The following SSH2 variants were observed in gnomAD, a reference collection of about 807,000 sequenced individuals.
The protein encoded by SSH2 is slingshot protein phosphatase 2, also known as protein phosphatase Slingshot homolog 2.
In SSH2, 37 loss-of-function variants were observed where a neutral mutation model predicts 135.2. That is an observed-to-expected ratio of 0.27 (90% CI 0.21 to 0.36). The LOEUF is 0.36. Ranked by LOEUF, SSH2 falls within the 10% of genes least tolerant of loss-of-function variation. SSH2 has a pLI of 1.00. For synonymous variants in SSH2, 628 were observed against 646.2 expected (o/e 0.97, Z 0.43); for missense variants, 1,408 against 1,765.3 (o/e 0.80, Z 3.63).
intron 14 of SSH2, 157 bp downstream of exon 14, chr17:29,647,987 A>T: frequency 1.4e-6 from 1 of 736,640 alleles, no homozygotes; most frequent in Non-Finnish European, 2.2e-6. Context: ...TTAAATGCTT[A>T]CACTTATGTT....
chr17:29,636,277 G>GT lies in SSH2; in HGVS notation c.1952_1953insA (p.Met652HisfsTer4). The GT allele has an allele frequency of 6.2e-7, 1 of 1,613,986 alleles. No individual in the cohort carries two copies. Among genetic ancestry groups the GT allele is most frequent in the South Asian group, 1.1e-5 (1 of 91,084 alleles). ...TTGGTGACTCAGGATCAGGGGACAT[G>GT]GGGGGGTCTTTCAGTGGAGATGTCA... On this transcript the variant is annotated frameshift_variant, in exon 15 of 16. Transcript: ENST00000540801. LOFTEE classifies it high-confidence loss of function.
At chr17:29,724,452 C>T (rs1369562083) in intron 3 of SSH2, among the ~76,000 whole-genome samples, 3 of 131,654 alleles carry the variant, frequency 2.3e-5, no homozygotes, top group African/African-American at 5.8e-5. Flanking sequence ...CACTTGAACC[C>T]GGGAGGCGGA....
In SSH2 at chr17:29,873,549, A is replaced by T. The variant is rs530321331; in HGVS notation, c.64-24620T>A. ...ACTCCAGCTTGGGAGACAGAGCCAG[A>T]CTATGTTTAAAAAAAAAAAAAATTC... On this transcript the variant is annotated intron_variant, in intron 1 of 15. Transcript: ENST00000540801. Among the ~76,000 whole-genome samples, 860 of 152,130 alleles carry T rather than the reference A, an allele frequency of 5.7e-3. 4 individuals are homozygous for T. Among genetic ancestry groups the T allele is most frequent in the Middle Eastern group, 0.014 (4 of 294 alleles).
Position 29,794,396 on chromosome 17 carries a change from A to G in SSH2, c.145-459T>C, listed in dbSNP as rs368847681. 2.8e-4 allele frequency among the ~76,000 whole-genome samples: 43 copies of G among 152,304 alleles called. No individual in the cohort carries two copies. The East Asian group carries it at 7.5e-3, about 27-fold the overall frequency. ...ATCAAATCACCATCAACATCAACAT[A>G]ATGGCTACCACTTGTTGAGTACTTA... On this transcript the variant is annotated intron_variant, in intron 2 of 15. Coordinates refer to ENST00000540801, the MANE Select transcript of SSH2 (RefSeq NM_001282129.2).
chr17:29,857,473 C>A (rs927388205), intron 1 of SSH2, among the ~76,000 whole-genome samples: 24 of 152,226 alleles, frequency 1.6e-4, no homozygotes, highest in Admixed American at 5.2e-4. Context: ...GGTGGGGACA[C>A]AGTCAAACCA....
chr17:29,834,578 A>AT (rs2042912828), intron 2 of SSH2, among the ~76,000 whole-genome samples: 1 of 152,040 alleles, frequency 6.6e-6, no homozygotes, highest in African/African-American at 2.4e-5. Flanking sequence ...TTTAATGTAG[A>AT]TTTTTTGACT....
rs1249985513 is a variant in SSH2, at chr17:29,636,604, A to G, written c.1626T>C (p.Asp542=). The change falls in exon 15 of 16, where the codon GAT becomes GAC. Residue 542 remains aspartate, a synonymous_variant. Coordinates refer to ENST00000540801, the MANE Select transcript of SSH2 (RefSeq NM_001282129.2). ...TGGTACACAGGCCTTTCTGATTTGCATCTTGTGGGACCATATGTTCCACAA... is the reference window on the plus strand; with the variant it reads ...TGGTACACAGGCCTTTCTGATTTGCGTCTTGTGGGACCATATGTTCCACAA... The part of the protein sequence containing the change: ...PVFVEHMVPQ[D]ANQKGLCTKE... The G allele has an allele frequency of 1.9e-6, 3 of 1,614,144 alleles. No homozygotes were observed. The Admixed American group carries it at 5.0e-5, about 27-fold the overall frequency.
At chr17:29,717,821 G>A (rs2039679209) in intron 3 of SSH2, among the ~76,000 whole-genome samples, 1 of 152,136 alleles carries the variant, frequency 6.6e-6, no homozygotes, top group Non-Finnish European at 1.5e-5. Flanking sequence ...GATCACTTGA[G>A]CCCAGGAGTT....
rs1011873236 is a variant in SSH2, at chr17:29,625,942, A to T, written c.*4899T>A. 2 of 152,644 alleles carry T rather than the reference A, an allele frequency of 1.3e-5. No homozygotes were observed. Among genetic ancestry groups the T allele is most frequent in the Non-Finnish European group, 1.5e-5 (1 of 68,048 alleles). 9.5% of individuals were successfully genotyped at this position (152,644 alleles called of 1,614,324 possible). A position where few individuals can be genotyped will look rare whatever the true frequency, so the allele number is the denominator to read the frequency against. On this transcript the variant is annotated 3_prime_UTR_variant, in exon 16 of 16. Transcript: ENST00000540801. ...TTGCATCTGATGAAGTACACGTTTCATCTTCAAAATAAAAATTTATTCAAT... is the reference window on the plus strand; with the variant it reads ...TTGCATCTGATGAAGTACACGTTTCTTCTTCAAAATAAAAATTTATTCAAT...
chr17:29,651,205 T>C (rs2036565434), intron 12 of SSH2, among the ~76,000 whole-genome samples: 1 of 152,236 alleles, frequency 6.6e-6, no homozygotes, highest in Non-Finnish European at 1.5e-5. Flanking sequence ...CTGAAAGTCA[T>C]CTGTATAAAA....
chr17:29,636,552 T>A lies in SSH2; in HGVS notation c.1678A>T (p.Thr560Ser), dbSNP rs2035923983. Reference protein sequence around the residue: ...TKERMICLEFTSREFHAGQIE... With the variant: ...TKERMICLEFSSREFHAGQIE... ...TGTCCAGCATGAAATTCCCTAGAAG[T>A]AAACTCCAAGCAGATCATTCTTTCT... The change falls in exon 15 of 16, where the codon ACT becomes TCT. Residue 560 changes from threonine (T) to serine (S), a missense_variant. Thr to Ser is a moderately conservative substitution (Grantham distance 58, BLOSUM62 1). Around this residue, in one of 3 missense-constraint regions of SSH2, gnomAD observed 1,080 missense variants for 1,144.5 expected, o/e 0.94. Coordinates refer to ENST00000540801, the MANE Select transcript of SSH2 (RefSeq NM_001282129.2). The A allele has an allele frequency of 6.2e-7, 1 of 1,614,194 alleles. No individual in the cohort carries two copies. Among genetic ancestry groups the A allele is most frequent in the Non-Finnish European group, 8.5e-7 (1 of 1,180,016 alleles).
chr17:29,922,911 T>TA (rs1358669664), intron 1 of SSH2, among the ~76,000 whole-genome samples: 6 of 152,174 alleles, frequency 3.9e-5, no homozygotes, highest in Non-Finnish European at 8.8e-5. Context: ...CAGAAGTCTT[T>TA]AAAAAAATTG....
chr17:29,679,959 G>C (rs184712851), intron 6 of SSH2, among the ~76,000 whole-genome samples: 29 of 151,914 alleles, frequency 1.9e-4, no homozygotes, highest in Non-Finnish European at 1.6e-4. Context: ...ACCTCTCTCA[G>C]CCTTAATTTC....
chr17:29,866,512 T>C (rs2065858541), intron 1 of SSH2, among the ~76,000 whole-genome samples: 1 of 152,148 alleles, frequency 6.6e-6, no homozygotes, highest in Non-Finnish European at 1.5e-5. Flanking sequence ...TAAACAAGTT[T>C]ATACAGACAG....
At chr17:29,923,730 G>A (rs2067016800) in intron 1 of SSH2, among the ~76,000 whole-genome samples, 1 of 152,066 alleles carries the variant, frequency 6.6e-6, no homozygotes, top group African/African-American at 2.4e-5. Flanking sequence ...GCCGGGTGCG[G>A]TGGCTCACAC....
intron 12 of SSH2, among the ~76,000 whole-genome samples, chr17:29,654,755 G>A (rs2036715090): frequency 6.6e-6 from 1 of 152,230 alleles, no homozygotes; most frequent in South Asian, 2.1e-4. Context: ...GCTGCTTAGG[G>A]ACAGTTTTCT....
chr17:29,825,672 T>C (rs2042730539), intron 2 of SSH2, among the ~76,000 whole-genome samples: 1 of 152,222 alleles, frequency 6.6e-6, no homozygotes, highest in Admixed American at 6.5e-5. Context: ...AGGCTTTTGT[T>C]TAATCTGTCC....
intron 2 of SSH2, among the ~76,000 whole-genome samples, chr17:29,801,295 G>C (rs554819418): frequency 6.6e-6 from 1 of 152,194 alleles, no homozygotes; most frequent in Non-Finnish European, 1.5e-5. Context: ...CTGAGAAGTA[G>C]GCTTGGTGGA....
intron 14 of SSH2, among the ~76,000 whole-genome samples, chr17:29,646,825 G>T (rs184729481): frequency 6.6e-6 from 1 of 151,956 alleles, no homozygotes; most frequent in African/African-American, 2.4e-5. Context: ...AGAAAGAATT[G>T]TTTCTAGGAA....
Sources: gnomAD v4.1 joint callset for allele counts (sites outside exome capture counted in the v4.1 genomes callset) on GRCh38, gnomAD v4.1.1 for gene constraint, gnomAD v4.1.1 regional missense constraint, MANE v1.5 for transcripts, NCBI Gene and HGNC (gene_info 2026-07-23, HGNC 2026-07-21) for gene names.